The following PGR variants were observed in gnomAD, a reference collection of about 807,000 sequenced individuals.
PGR encodes progesterone receptor.
In PGR, 25 loss-of-function variants were observed where a neutral mutation model predicts 76.1. The ratio of observed to expected loss-of-function variants is 0.33; its 90% confidence interval spans 0.24 to 0.46. The LOEUF (loss-of-function observed/expected upper bound fraction) is 0.46, where lower values mean the gene tolerates loss of function less well. Ranked by LOEUF, PGR falls within the 20% of genes least tolerant of loss-of-function variation. The pLI is 1.00. For synonymous variants in PGR, 579 were observed against 535.0 expected (o/e 1.08, Z -1.14); for missense variants, 1,172 against 1,225.3 (o/e 0.96, Z 0.65).
In PGR at chr11:101,043,971, TAGCTTCAGCTTCAAGTCACC is replaced by T. The variant is rs575482958; in HGVS notation, c.2489-1889_2489-1870del. ...GATCTTCAGAATGATAAATGAGCAT[TAGCTTCAGCTTCAAGTCACC>T]AGCTTCAGCTTCAAGTCACCAGCTT... On this transcript the variant is annotated intron_variant, in intron 6 of 7. Coordinates refer to ENST00000325455, the MANE Select transcript of PGR (RefSeq NM_000926.4). Among the ~76,000 whole-genome samples the T allele has an allele frequency of 2.9e-3, 443 of 152,272 alleles. 6 individuals are homozygous for T. Among genetic ancestry groups the T allele is most frequent in the Non-Finnish European group, 1.3e-3 (90 of 68,020 alleles).
At chr11:101,062,796 C>T (rs1307180105) in intron 3 of PGR, 44 bp from the exon 4 acceptor site, 18 of 1,296,094 alleles carry the variant, frequency 1.4e-5, no homozygotes, top group Non-Finnish European at 2.0e-5. Flanking sequence ...TATATATAAA[C>T]TCCATATCCC....
intron 2 of PGR, among the ~76,000 whole-genome samples, chr11:101,115,429 T>G (rs918074472): frequency 3.3e-5 from 5 of 152,166 alleles, no homozygotes; most frequent in Admixed American, 2.6e-4. Flanking sequence ...CTTATTTATC[T>G]TTTATAGCTC....
At position 101,125,881 on chromosome 11, in the gene PGR, T is replaced by C. The variant is rs1459306242; in HGVS notation, c.1789+126A>G. On this transcript the variant is annotated intron_variant, in intron 2 of 7. Coordinates refer to ENST00000325455, the MANE Select transcript of PGR (RefSeq NM_000926.4). ...CATATTGTTAAAATGTCATCATATA[T>C]TTTAAATTATATGGAAATATCACCA... 3.5e-6 allele frequency: 3 copies of C among 845,110 alleles called. No homozygotes were observed. The East Asian group carries it at 8.0e-5, about 23-fold the overall frequency. 52.4% of individuals were successfully genotyped at this position (845,110 alleles called of 1,614,324 possible).
intron 3 of PGR, among the ~76,000 whole-genome samples, chr11:101,074,588 A>G (rs2135429469): frequency 1.3e-5 from 2 of 152,338 alleles, no homozygotes; most frequent in East Asian, 3.9e-4. Context: ...CCATCATCTC[A>G]GCCCAAAATC....
intron 4 of PGR, 85 bp downstream of exon 4, chr11:101,062,362 C>T: frequency 2.0e-6 from 2 of 1,000,972 alleles, no homozygotes; most frequent in Non-Finnish European, 1.6e-6. Context: ...TAATTTACTG[C>T]ATAGAGTGTT....
At chr11:101,065,257 T>C (rs1860673029) in intron 3 of PGR, among the ~76,000 whole-genome samples, 1 of 148,366 alleles carries the variant, frequency 6.7e-6, no homozygotes, top group Non-Finnish European at 1.5e-5. Context: ...CTGATAGATA[T>C]TTGCTAAGTT....
intron 2 of PGR, among the ~76,000 whole-genome samples, chr11:101,098,747 A>C (rs1861912785): frequency 6.6e-6 from 1 of 152,216 alleles, no homozygotes; most frequent in South Asian, 2.1e-4. Context: ...GGGATATATT[A>C]CTTCAGTCCC....
In PGR at chr11:101,051,659, T is replaced by G; in HGVS notation, c.2213-91A>C. On this transcript the variant is annotated intron_variant, in intron 4 of 7. Coordinates refer to ENST00000325455, the MANE Select transcript of PGR (RefSeq NM_000926.4). ...ATACATATAAATCTGAAAATAGGTA[T>G]GCGTAGGGTAATAAAATGTTTTCAA... 14 of 914,318 alleles carry G rather than the reference T, an allele frequency of 1.5e-5. No homozygotes were observed. In the South Asian group the frequency reaches 1.9e-4, roughly 12 times the overall value. The allele number at this position is 914,318 out of a possible 1,614,324, so 56.6% of individuals were successfully genotyped here.
intron 2 of PGR, among the ~76,000 whole-genome samples, chr11:101,104,161 C>T (rs1294554351): frequency 6.6e-6 from 1 of 152,156 alleles, no homozygotes. Context: ...AAAAAAGATA[C>T]ATAAGGAAGA....
chr11:101,100,903 T>A (rs1861977774), intron 2 of PGR, among the ~76,000 whole-genome samples: 1 of 152,196 alleles, frequency 6.6e-6, no homozygotes, highest in African/African-American at 2.4e-5. Context: ...TGAGAAATCA[T>A]GGTATAAACT....
At chr11:101,099,545 A>C (rs570293517) in intron 2 of PGR, among the ~76,000 whole-genome samples, 45 of 152,070 alleles carry the variant, frequency 3.0e-4, no homozygotes, top group Non-Finnish European at 4.1e-4. Context: ...TTTATCAATA[A>C]AAGTTTCTTT....
intron 2 of PGR, among the ~76,000 whole-genome samples, chr11:101,122,308 C>T (rs1016025490): frequency 1.4e-4 from 22 of 152,180 alleles, no homozygotes; most frequent in African/African-American, 4.8e-4. Flanking sequence ...AATGCTGTCA[C>T]TGAGTAAAGC....
chr11:101,106,576 A>C (rs1201151744), intron 2 of PGR, among the ~76,000 whole-genome samples: 1 of 152,214 alleles, frequency 6.6e-6, no homozygotes, highest in Non-Finnish European at 1.5e-5. Flanking sequence ...CAGATGCTGG[A>C]GAGGATGTGG....
intron 7 of PGR, among the ~76,000 whole-genome samples, chr11:101,039,758 T>C (rs902845162): frequency 2.0e-5 from 3 of 152,002 alleles, no homozygotes; most frequent in Admixed American, 6.6e-5. Context: ...TAGTACCACA[T>C]GATTATAAAA....
At chr11:101,105,243 C>G (rs590688) in intron 2 of PGR, among the ~76,000 whole-genome samples, 70,089 of 151,956 alleles carry the variant, frequency 0.46, 16,458 homozygotes, top group African/African-American at 0.48. Flanking sequence ...GAGCAGACGG[C>G]TAACATGATC....
At chr11:101,114,479 A>G (rs2135491147) in intron 2 of PGR, among the ~76,000 whole-genome samples, 1 of 152,228 alleles carries the variant, frequency 6.6e-6, no homozygotes, top group South Asian at 2.1e-4. Context: ...GTAGAATATA[A>G]TACAAACAAT....
intron 3 of PGR, among the ~76,000 whole-genome samples, chr11:101,073,188 C>G (rs186718029): frequency 6.6e-6 from 1 of 152,188 alleles, no homozygotes; most frequent in African/African-American, 2.4e-5. Flanking sequence ...AACTGCACAA[C>G]TACATGGAAA....
chr11:101,042,795 C>T (rs1053424244), intron 6 of PGR, among the ~76,000 whole-genome samples: 5 of 152,094 alleles, frequency 3.3e-5, no homozygotes, highest in African/African-American at 4.8e-5. Context: ...TCCCAGTCCA[C>T]GTAGAAGTTA....
Position 101,128,988 on chromosome 11 carries a change from A to G in PGR, c.83T>C (p.Leu28Pro), listed in dbSNP as rs747756907. The stretch of plus-strand genomic sequence containing the variant: ...GAACGGACCTGCGGCTGGGCGACAC[A>G]GCAGTGGGGATCCGACCTCGGGGGA... ...PPSPEVGSPLLCRPAAGPFPG... is the reference protein window; with the variant it reads ...PPSPEVGSPLPCRPAAGPFPG... Residue 28 changes from leucine to proline, a missense_variant, in exon 1 of 8, where the codon CTG (leucine) becomes CCG (proline). Physicochemically the swap from Leu to Pro is moderately conservative, Grantham distance 98. Transcript: ENST00000325455. 1 of 1,595,788 alleles carries G rather than the reference A, an allele frequency of 6.3e-7. No homozygotes were observed. The highest frequency in any genetic ancestry group is 8.5e-7 in the Non-Finnish European group (1 of 1,170,866).
Sources: gnomAD v4.1 joint callset for allele counts (sites outside exome capture counted in the v4.1 genomes callset) on GRCh38, gnomAD v4.1.1 for gene constraint, MANE v1.5 for transcripts, NCBI Gene and HGNC (gene_info 2026-07-23, HGNC 2026-07-21) for gene names.